The following KCNQ3 variants were observed in gnomAD, a reference collection of about 807,000 sequenced individuals.
KCNQ3 encodes the protein potassium voltage-gated channel subfamily KQT member 3.
In KCNQ3, 30 loss-of-function variants were observed where a neutral mutation model predicts 92.5. That is an observed-to-expected ratio of 0.32 (90% CI 0.24 to 0.44). The LOEUF (loss-of-function observed/expected upper bound fraction) is 0.44, where lower values mean the gene tolerates loss of function less well. KCNQ3 is among the 20% of genes least tolerant of loss of function. The pLI is 1.00. For synonymous variants in KCNQ3, 450 were observed against 468.8 expected (o/e 0.96, Z 0.52); for missense variants, 913 against 1,140.3 (o/e 0.80, Z 2.87).
chr8:132,357,482 G>T (rs1586953760), intron 1 of KCNQ3, among the ~76,000 whole-genome samples: 1 of 152,342 alleles, frequency 6.6e-6, no homozygotes, highest in South Asian at 2.1e-4. Flanking sequence ...GCTGGCACCA[G>T]GGTCGCTCTC....
intron 8 of KCNQ3, among the ~76,000 whole-genome samples, chr8:132,166,858 A>G (rs1179435275): frequency 1.3e-5 from 2 of 152,198 alleles, no homozygotes; most frequent in Non-Finnish European, 2.9e-5. Context: ...AAAATGGTGC[A>G]GCCACTATGG....
chr8:132,281,522 G>C (rs1816513213), intron 1 of KCNQ3, among the ~76,000 whole-genome samples: 1 of 48,208 alleles, frequency 2.1e-5, no homozygotes, highest in South Asian at 8.8e-4. Context: ...TATGGAATCT[G>C]TGTGTGTGTG....
At chr8:132,140,598 C>T (rs867142852) in intron 10 of KCNQ3, 8 of 244,386 alleles carry the variant, frequency 3.3e-5, no homozygotes, top group Middle Eastern at 3.1e-3. Flanking sequence ...CTGAGCCGCA[C>T]ACATCAGAGG....
At chr8:132,451,203 G>A (rs971989382) in intron 1 of KCNQ3, among the ~76,000 whole-genome samples, 44 of 152,194 alleles carry the variant, frequency 2.9e-4, no homozygotes, top group African/African-American at 1.1e-3. Flanking sequence ...CCCTGCACAT[G>A]CTGTCTTGCC....
rs1019693183 is a variant in KCNQ3 at position 132,316,155 on chromosome 8, T to C, written c.387-129974A>G. 1.6e-4 allele frequency among the ~76,000 whole-genome samples: 24 copies of C among 152,274 alleles called. 1 individual carries two copies. The highest frequency in any genetic ancestry group is 5.3e-4 in the African/African-American group (22 of 41,560). On this transcript the variant is annotated intron_variant, in intron 1 of 14. Coordinates refer to ENST00000388996, the MANE Select transcript of KCNQ3 (RefSeq NM_004519.4). ...ACTACATTTGTCCCCAGATAAGCCA[T>C]CGTGATTAAATGGGACCCTTTTATC...
chr8:132,175,438 A>G lies in KCNQ3; in HGVS notation c.933+15T>C. ...AGTCAATCTCACAGAATTGGCCTCCAAGGTAGTGACTCACCAGGCCCCACC... is the reference window on the plus strand; with the variant it reads ...AGTCAATCTCACAGAATTGGCCTCCGAGGTAGTGACTCACCAGGCCCCACC... On this transcript the variant is annotated intron_variant, in intron 5 of 14. Transcript: ENST00000388996. 1 of 1,614,010 alleles carries G rather than the reference A, an allele frequency of 6.2e-7. No individual in the cohort carries two copies. The highest frequency in any genetic ancestry group is 1.1e-5 in the South Asian group (1 of 91,078).
At chr8:132,418,040 G>C (rs1325043199) in intron 1 of KCNQ3, among the ~76,000 whole-genome samples, 1 of 152,128 alleles carries the variant, frequency 6.6e-6, no homozygotes, top group African/African-American at 2.4e-5. Context: ...TCATCTTCCA[G>C]AGGAGATTTC....
intron 1 of KCNQ3, among the ~76,000 whole-genome samples, chr8:132,416,630 AAAC>A (rs1353977961): frequency 1.3e-5 from 2 of 152,196 alleles, no homozygotes; most frequent in Non-Finnish European, 2.9e-5. Flanking sequence ...TCAAACAAAC[AAAC>A]AAAAAAAATT....
chr8:132,439,610 G>A (rs187596288), intron 1 of KCNQ3, among the ~76,000 whole-genome samples: 13 of 152,082 alleles, frequency 8.5e-5, no homozygotes, highest in African/African-American at 3.1e-4. Context: ...CAGCCACAAG[G>A]TTCCTTTCCA....
chr8:132,156,371 G>C (rs934642975), intron 9 of KCNQ3, among the ~76,000 whole-genome samples: 1 of 152,060 alleles, frequency 6.6e-6, no homozygotes, highest in Admixed American at 6.6e-5. Context: ...AGGGAAGCCA[G>C]GTTTTGAAGT....
At chr8:132,375,678 C>T (rs981321442) in intron 1 of KCNQ3, among the ~76,000 whole-genome samples, 3 of 152,202 alleles carry the variant, frequency 2.0e-5, no homozygotes, top group Non-Finnish European at 4.4e-5. Flanking sequence ...CTAGGCTCTC[C>T]CTGCAAGAAT....
At chr8:132,371,289 T>C (rs1486117698) in intron 1 of KCNQ3, among the ~76,000 whole-genome samples, 1 of 152,210 alleles carries the variant, frequency 6.6e-6, no homozygotes, top group Non-Finnish European at 1.5e-5. Context: ...CTCTGGTAGT[T>C]TGTTGGGCCT....
intron 1 of KCNQ3, among the ~76,000 whole-genome samples, chr8:132,330,710 G>A (rs1818203935): frequency 6.6e-6 from 1 of 152,196 alleles, no homozygotes; most frequent in Admixed American, 6.5e-5. Context: ...ATTTTCTGCA[G>A]CCAGAAACAT....
At chr8:132,344,589 A>G (rs1170270156) in intron 1 of KCNQ3, among the ~76,000 whole-genome samples, 1 of 152,220 alleles carries the variant, frequency 6.6e-6, no homozygotes, top group Admixed American at 6.5e-5. Flanking sequence ...GTAAAGAAAC[A>G]TGGCCAGAGT....
intron 1 of KCNQ3, among the ~76,000 whole-genome samples, chr8:132,224,399 G>A (rs937118303): frequency 1.3e-5 from 2 of 152,058 alleles, no homozygotes; most frequent in African/African-American, 4.8e-5. Flanking sequence ...TCTGATGGGT[G>A]CCTCCTGGTG....
intron 1 of KCNQ3, among the ~76,000 whole-genome samples, chr8:132,409,954 C>G (rs1421040119): frequency 2.0e-5 from 3 of 152,102 alleles, no homozygotes; most frequent in East Asian, 3.9e-4. Flanking sequence ...TTTTGCCTGT[C>G]AAATCTTATT....
intron 1 of KCNQ3, among the ~76,000 whole-genome samples, chr8:132,211,378 CA>C (rs1813846474): frequency 6.6e-6 from 1 of 152,160 alleles, no homozygotes; most frequent in Admixed American, 6.5e-5. Context: ...CAACTGATAG[CA>C]ATGCAAAAAT....
Position 132,336,265 on chromosome 8 carries a change from T to G in KCNQ3, c.386+143882A>C, listed in dbSNP as rs530627758. 2.0e-5 allele frequency among the ~76,000 whole-genome samples: 3 copies of G among 152,252 alleles called. No individual in the cohort carries two copies. In the East Asian group the frequency reaches 5.8e-4, roughly 30 times the overall value. On this transcript the variant is annotated intron_variant, in intron 1 of 14. Transcript: ENST00000388996. ...GCACCATTGGCATGGCCTCCAGCTG[T>G]GCCTCCACCTCCACATCTGTGGAAA...
intron 1 of KCNQ3, among the ~76,000 whole-genome samples, chr8:132,430,893 C>G (rs1273691189): frequency 6.6e-6 from 1 of 152,168 alleles, no homozygotes; most frequent in Non-Finnish European, 1.5e-5. Context: ...TAAAAGGGGG[C>G]TCAATAGAGT....
Sources: allele counts gnomAD v4.1 joint callset (sites outside exome capture counted in the v4.1 genomes callset), GRCh38; gene constraint gnomAD v4.1.1; transcripts MANE v1.5; gene names NCBI Gene and HGNC (gene_info 2026-07-23, HGNC 2026-07-21).